The following RYR2 variants were observed in gnomAD, a reference collection of about 807,000 sequenced individuals.
RYR2 encodes the protein ryanodine receptor 2.
In RYR2, 227 loss-of-function variants were observed where a neutral mutation model predicts 601.1. That is an observed-to-expected ratio of 0.38 (90% CI 0.34 to 0.42). The LOEUF is 0.42. Among genes scored for constraint, RYR2 ranks in the 10% least tolerant of loss-of-function variants. RYR2 has a pLI of 1.00. For synonymous variants in RYR2, 2,223 were observed against 2,175.1 expected (o/e 1.02, Z -0.61); for missense variants, 4,646 against 6,156.5 (o/e 0.75, Z 8.21).
chr1:237,708,143 G>C (rs891887030), intron 68 of RYR2, among the ~76,000 whole-genome samples: 1 of 151,562 alleles, frequency 6.6e-6, no homozygotes, highest in African/African-American at 2.4e-5. Flanking sequence ...TATTATGAAG[G>C]GAAAAATGGA....
Position 237,590,797 on chromosome 1 carries a change from T to C in RYR2, c.3965T>C (p.Leu1322Pro), listed in dbSNP as rs1211600968. 9 of 1,613,884 alleles carry C rather than the reference T, an allele frequency of 5.6e-6. No homozygotes were observed. The highest frequency in any genetic ancestry group is 7.6e-6 in the Non-Finnish European group (9 of 1,179,856). Residue 1322 changes from leucine (L) to proline (P), a missense_variant, in exon 31 of 105, where the codon CTC becomes CCC. This residue lies in a region of RYR2 where 1,807 missense variants were observed against 2,088.1 expected (regional missense o/e 0.87). Transcript: ENST00000366574. ...EVFSKTVAGGLPGAGLFGPKN... is the reference protein window; with the variant it reads ...EVFSKTVAGGPPGAGLFGPKN... ...TTCTCCAAGACGGTGGCTGGAGGGCTCCCTGGGGCTGGCCTTTTTGGGCCC... is the reference window on the plus strand; with the variant it reads ...TTCTCCAAGACGGTGGCTGGAGGGCCCCCTGGGGCTGGCCTTTTTGGGCCC...
intron 63 of RYR2, among the ~76,000 whole-genome samples, chr1:237,690,631 G>T: frequency 6.6e-6 from 1 of 152,300 alleles, no homozygotes; most frequent in African/African-American, 2.4e-5. Context: ...GGAGGCCAAG[G>T]CGGACAGATC....
intron 58 of RYR2, among the ~76,000 whole-genome samples, chr1:237,673,278 C>A (rs576221773): frequency 2.0e-5 from 3 of 152,150 alleles, no homozygotes; most frequent in African/African-American, 7.2e-5. Flanking sequence ...TAATAGCATT[C>A]TTTGTATCAG....
intron 5 of RYR2, among the ~76,000 whole-genome samples, chr1:237,368,248 T>C (rs985692287): frequency 2.0e-5 from 3 of 152,222 alleles, no homozygotes; most frequent in East Asian, 3.9e-4. Context: ...TATTAAATTA[T>C]AACATCAATA....
At chr1:237,307,668 G>A (rs1028315172) in intron 2 of RYR2, among the ~76,000 whole-genome samples, 1 of 152,144 alleles carries the variant, frequency 6.6e-6, no homozygotes, top group Non-Finnish European at 1.5e-5. Flanking sequence ...AATATTCAGT[G>A]CTTTGACCCT....
intron 1 of RYR2, among the ~76,000 whole-genome samples, chr1:237,100,242 C>G (rs1409027792): frequency 6.6e-6 from 1 of 152,086 alleles, no homozygotes; most frequent in African/African-American, 2.4e-5. Context: ...CATTTCCTTC[C>G]GTCACCTACA....
intron 45 of RYR2, 142 bp downstream of exon 45, chr1:237,638,634 AACC>A: frequency 1.1e-6 from 1 of 911,354 alleles, no homozygotes; most frequent in East Asian, 2.5e-5. Context: ...TTTTCACAGT[AACC>A]ACTTATAATA....
chr1:237,515,904 C>T (rs1344868333), intron 24 of RYR2, among the ~76,000 whole-genome samples: 1 of 142,822 alleles, frequency 7.0e-6, no homozygotes, highest in Admixed American at 7.0e-5. Context: ...TCTTCTCCTT[C>T]TCCCTCTTCT....
At chr1:237,209,158 C>G (rs1408403287) in intron 1 of RYR2, among the ~76,000 whole-genome samples, 1 of 150,172 alleles carries the variant, frequency 6.7e-6, no homozygotes, top group African/African-American at 2.4e-5. Flanking sequence ...TATAAATGTA[C>G]TGTAATTGAA....
At chr1:237,170,029 C>T (rs10925336) in intron 1 of RYR2, among the ~76,000 whole-genome samples, 52,486 of 151,980 alleles carry the variant, frequency 0.35, 9,187 homozygotes, top group East Asian at 0.51. Flanking sequence ...AGATAAATGT[C>T]TTTCTCCCTT....
In RYR2 at chr1:237,678,107, G is replaced by T; in HGVS notation, c.8890G>T (p.Ala2964Ser). The change falls in exon 61 of 105, where the codon GCA becomes TCA. Residue 2964 changes from alanine to serine, a missense_variant. Around this residue, in one of 17 missense-constraint regions of RYR2, gnomAD observed 1,497 missense variants for 1,842.6 expected, o/e 0.81. Transcript: ENST00000366574. Reference sequence around the variant, plus strand: ...TTATGAACAAGAAATCAAGTTCTTTGCAAAAGTACAGTATACAATCTATCT... The same window carrying T: ...TTATGAACAAGAAATCAAGTTCTTTTCAAAAGTACAGTATACAATCTATCT... ...FPYEQEIKFF[A>S]KVVLPLIDQY... 6.4e-7 allele frequency: 1 copy of T among 1,573,090 alleles called. No homozygotes were observed. The highest frequency in any genetic ancestry group is 8.7e-7 in the Non-Finnish European group (1 of 1,145,190).
intron 1 of RYR2, among the ~76,000 whole-genome samples, chr1:237,256,706 T>C (rs942551896): frequency 2.0e-5 from 3 of 152,220 alleles, no homozygotes; most frequent in African/African-American, 7.2e-5. Flanking sequence ...CAGATGTTAA[T>C]ACATTCATTC....
intron 24 of RYR2, among the ~76,000 whole-genome samples, chr1:237,516,752 G>T (rs1018390946): frequency 2.0e-5 from 3 of 152,124 alleles, no homozygotes; most frequent in African/African-American, 4.8e-5. Flanking sequence ...AGGAACCTGG[G>T]AATCACCTTT....
chr1:237,195,869 G>A (rs550968948), intron 1 of RYR2, among the ~76,000 whole-genome samples: 3 of 152,274 alleles, frequency 2.0e-5, no homozygotes, highest in Non-Finnish European at 2.9e-5. Context: ...GCACTCAACC[G>A]ACGTTAACAT....
intron 17 of RYR2, among the ~76,000 whole-genome samples, chr1:237,480,676 C>T (rs1371489497): frequency 6.6e-6 from 1 of 152,100 alleles, no homozygotes; most frequent in East Asian, 1.9e-4. Context: ...ATTATAATTA[C>T]AGTGCTCATT....
At chr1:237,606,761 A>G (rs1342196190) in intron 35 of RYR2, among the ~76,000 whole-genome samples, 1 of 152,146 alleles carries the variant, frequency 6.6e-6, no homozygotes, top group Non-Finnish European at 1.5e-5. Context: ...CAAAAAGTGG[A>G]CAAAGGATAT....
In RYR2 at chr1:237,724,660, CTT is replaced by C. The variant is rs532333669; in HGVS notation, c.10689+1399_10689+1400del. 1.6e-3 allele frequency among the ~76,000 whole-genome samples: 248 copies of C among 151,796 alleles called. 3 individuals are homozygous for C. The highest frequency in any genetic ancestry group is 3.0e-3 in the Admixed American group (46 of 15,244). ...TATCATCAATCAGCAGATGACAAGA[CTT>C]GTCATGAAATTTTAAGTGATTTATA... On this transcript the variant is annotated intron_variant, in intron 74 of 104. Coordinates refer to ENST00000366574, the MANE Select transcript of RYR2 (RefSeq NM_001035.3).
intron 4 of RYR2, among the ~76,000 whole-genome samples, chr1:237,363,476 A>G (rs1027325138): frequency 6.6e-6 from 1 of 152,088 alleles, no homozygotes; most frequent in Non-Finnish European, 1.5e-5. Flanking sequence ...ACAAATATAT[A>G]TATTGGAAAA....
chr1:237,793,493 G>A (rs1054489946), intron 94 of RYR2, among the ~76,000 whole-genome samples: 1 of 152,128 alleles, frequency 6.6e-6, no homozygotes, highest in Non-Finnish European at 1.5e-5. Flanking sequence ...GCATGCATTT[G>A]GGAACATTGC....
Sources: gnomAD v4.1 joint callset for allele counts (sites outside exome capture counted in the v4.1 genomes callset) on GRCh38, gnomAD v4.1.1 for gene constraint, gnomAD v4.1.1 regional missense constraint, MANE v1.5 for transcripts, NCBI Gene and HGNC (gene_info 2026-07-23, HGNC 2026-07-21) for gene names.